Variants in MS4A10 observed in about 807,000 individuals in gnomAD.
MS4A10 encodes membrane spanning 4-domains A10.
MS4A10 carries 27 observed loss-of-function variants against 27.7 expected under a neutral mutation model. The ratio of observed to expected loss-of-function variants is 0.98; its 90% CI spans 0.72 to 1.35. The LOEUF is 1.35. Ranked by LOEUF, MS4A10 falls within the 40% of genes most tolerant of loss-of-function variation. The probability of loss-of-function intolerance (pLI) is 0.00; values close to 1 mark genes in which losing one functional copy is unlikely to be tolerated. For synonymous variants in MS4A10, 139 were observed against 131.2 expected, an observed-to-expected ratio of 1.06 and a Z score of -0.41; for missense variants, 338 against 324.7, an observed-to-expected ratio of 1.04 and a Z score of -0.32.
chr11:60,791,867 G>A (rs1243730769), intron 3 of MS4A10, among the ~76,000 whole-genome samples: 1 of 152,244 alleles, frequency 6.6e-6, no homozygotes, highest in Non-Finnish European at 1.5e-5. Flanking sequence ...GACCTTGGAA[G>A]CAAGAACTCA....
At chr11:60,788,280 A>G (rs1037094459) in intron 1 of MS4A10, among the ~76,000 whole-genome samples, 4 of 152,008 alleles carry the variant, frequency 2.6e-5, no homozygotes, top group African/African-American at 4.8e-5. Flanking sequence ...CTTGAGTCCA[A>G]CTCCCTGTTG....
intron 1 of MS4A10, among the ~76,000 whole-genome samples, chr11:60,787,087 A>G (rs1220903201): frequency 1.3e-5 from 2 of 152,106 alleles, no homozygotes; most frequent in African/African-American, 4.8e-5. Flanking sequence ...GAACTGAAGG[A>G]ACAACGAGAA....
chr11:60,790,239 G>A (rs771754431), intron 1 of MS4A10, 75 bp from the exon 2 acceptor site: 3 of 1,270,084 alleles, frequency 2.4e-6, no homozygotes, highest in East Asian at 4.6e-5. Context: ...AAACAGAGGT[G>A]ATTGGCAGAG....
rs531347237 is a variant in MS4A10, at chr11:60,795,386, C to T, written c.493-169C>T. On this transcript the variant is annotated intron_variant, in intron 5 of 7. Transcript: ENST00000308287. ...GGCAGTGACCAAGACAGACCAAGTC[C>T]CCGTCCCACAGAGACCCACCCTGCC... 3.9e-5 allele frequency among the ~76,000 whole-genome samples: 6 copies of T among 152,232 alleles called. No homozygotes were observed. In the South Asian group the frequency reaches 1.2e-3, roughly 32 times the overall value.
intron 7 of MS4A10, among the ~76,000 whole-genome samples, chr11:60,799,452 A>G (rs1854593233): frequency 6.6e-6 from 1 of 152,224 alleles, no homozygotes; most frequent in Non-Finnish European, 1.5e-5. Flanking sequence ...GCAGCAAGAT[A>G]TAGGAAATCA....
chr11:60,796,375 C>T (rs1241181880), intron 6 of MS4A10, among the ~76,000 whole-genome samples: 9 of 152,126 alleles, frequency 5.9e-5, no homozygotes, highest in Non-Finnish European at 1.2e-4. Flanking sequence ...CTCCGCCTCC[C>T]GGGTTCAAGC....
intron 1 of MS4A10, among the ~76,000 whole-genome samples, chr11:60,786,189 GCACACACA>G (rs552507721): frequency 7.9e-6 from 1 of 127,254 alleles, no homozygotes; most frequent in African/African-American, 3.2e-5. Flanking sequence ...ACACACACAC[GCACACACA>G]CACACACACA....
At chr11:60,792,653 C>T (rs1854450984) in intron 4 of MS4A10, among the ~76,000 whole-genome samples, 1 of 152,220 alleles carries the variant, frequency 6.6e-6, no homozygotes, top group South Asian at 2.1e-4. Flanking sequence ...TAATCTTAAT[C>T]ACCACATAGC....
At chr11:60,790,183 G>A (rs1313116915) in intron 1 of MS4A10, 131 bp from the exon 2 acceptor site, 5 of 715,244 alleles carry the variant, frequency 7.0e-6, no homozygotes, top group South Asian at 1.9e-5. Context: ...CAAGACCAGG[G>A]GCTGCCAGAC....
chr11:60,793,905 T>C lies in MS4A10; in HGVS notation c.361-67T>C, dbSNP rs60628152. ...CTACAGAGGAAGCTACTGGCAAGCATGAGGGGAGGACCTAGCCCCAGGTCT... is the reference window on the plus strand; with the variant it reads ...CTACAGAGGAAGCTACTGGCAAGCACGAGGGGAGGACCTAGCCCCAGGTCT... On this transcript the variant is annotated intron_variant, in intron 4 of 7. Transcript: ENST00000308287. The C allele has an allele frequency of 2.8e-3, 4,390 of 1,574,536 alleles. 102 individuals carry two copies. In the African/African-American group the frequency reaches 0.054, roughly 19 times the overall value.
intron 1 of MS4A10, among the ~76,000 whole-genome samples, chr11:60,789,014 A>G (rs1854383329): frequency 6.6e-6 from 1 of 152,192 alleles, no homozygotes; most frequent in African/African-American, 2.4e-5. Context: ...GTGAGGCCCC[A>G]TCTGGCTCTT....
chr11:60,788,981 C>T (rs959655238), intron 1 of MS4A10, among the ~76,000 whole-genome samples: 8 of 152,178 alleles, frequency 5.3e-5, no homozygotes, highest in South Asian at 2.1e-4. Context: ...GCACAGTGCC[C>T]GGCATACAGT....
In MS4A10 at chr11:60,790,393, C is replaced by A. The variant is rs374745091; in HGVS notation, c.58C>A (p.Gln20Lys). ...SRCARGLPSWQVLSPVQPWQT... is the reference protein window; with the variant it reads ...SRCARGLPSWKVLSPVQPWQT... ...TTGTGCTAGGGGGCTCCCATCATGGCAAGTCCTCAGCCCAGTCCAGCCCTG... is the reference window on the plus strand; with the variant it reads ...TTGTGCTAGGGGGCTCCCATCATGGAAAGTCCTCAGCCCAGTCCAGCCCTG... The change falls in exon 2 of 8, where the codon CAA (glutamine) becomes AAA (lysine). Residue 20 changes from glutamine (Q) to lysine (K), a missense_variant. By Grantham distance (53) the Gln-to-Lys change is moderately conservative (BLOSUM62 1). Transcript: ENST00000308287. 1.2e-5 allele frequency: 19 copies of A among 1,614,056 alleles called. No individual in the cohort carries two copies. The highest frequency in any genetic ancestry group is 4.0e-5 in the African/African-American group (3 of 74,936).
At chr11:60,790,232 CAG>C in intron 1 of MS4A10, 80 bp from the exon 2 acceptor site, 1 of 1,197,508 alleles carries the variant, frequency 8.4e-7, no homozygotes, top group South Asian at 1.4e-5. Flanking sequence ...GTCCCTTAAA[CAG>C]AGGTGATTGG....
At chr11:60,795,412 T>A in intron 5 of MS4A10, 143 bp from the exon 6 acceptor site, 1 of 465,438 alleles carries the variant, frequency 2.1e-6, no homozygotes, top group South Asian at 4.3e-5. Context: ...CCACCCTGCC[T>A]TCCCCACGCA....
At chr11:60,793,869 C>A in intron 4 of MS4A10, 103 bp from the exon 5 acceptor site, 1 of 1,331,384 alleles carries the variant, frequency 7.5e-7, no homozygotes, top group Non-Finnish European at 1.0e-6. Context: ...CAGGCAGAGT[C>A]TCTCCTGAGG....
At chr11:60,793,834 G>A (rs535176444) in intron 4 of MS4A10, 138 bp from the exon 5 acceptor site, 12 of 939,978 alleles carry the variant, frequency 1.3e-5, no homozygotes, top group Non-Finnish European at 1.8e-5. Context: ...CCAGTGACAG[G>A]CAGAGGGGGC....
chr11:60,795,422 A>C, intron 5 of MS4A10, 133 bp from the exon 6 acceptor site: 10 of 467,494 alleles, frequency 2.1e-5, no homozygotes, highest in South Asian at 1.5e-4. Context: ...TTCCCCACGC[A>C]CACCTGGGAG....
intron 5 of MS4A10, among the ~76,000 whole-genome samples, chr11:60,794,346 C>T (rs1489662334): frequency 2.6e-5 from 4 of 152,160 alleles, no homozygotes; most frequent in African/African-American, 9.7e-5. Context: ...GGGCCAGAGA[C>T]GGGGAGGAGC....
Sources: allele counts gnomAD v4.1 joint callset (sites outside exome capture counted in the v4.1 genomes callset), GRCh38; gene constraint gnomAD v4.1.1; transcripts MANE v1.5; gene names NCBI Gene and HGNC (gene_info 2026-07-23, HGNC 2026-07-21).